KCNH8: variants seen among roughly 807,000 people sequenced by gnomAD.
KCNH8 encodes the protein voltage-gated delayed rectifier potassium channel KCNH8.
A neutral mutation model predicts 103.6 loss-of-function variants in KCNH8; 70 were observed. That is an observed-to-expected ratio of 0.68 (90% CI 0.56 to 0.82). The LOEUF (loss-of-function observed/expected upper bound fraction) is 0.82. Among genes scored for constraint, KCNH8 ranks in the 40% least tolerant of loss-of-function variants. KCNH8 has a pLI of 0.00. For synonymous variants in KCNH8, 498 were observed against 489.4 expected (o/e 1.02, Z -0.23); for missense variants, 1,217 against 1,329.9 (o/e 0.92, Z 1.32).
At chr3:19,407,063 G>C (rs965341694) in intron 7 of KCNH8, among the ~76,000 whole-genome samples, 2 of 152,030 alleles carry the variant, frequency 1.3e-5, no homozygotes, top group African/African-American at 4.8e-5. Flanking sequence ...TATGACTTCT[G>C]ACCCTTGTTC....
intron 5 of KCNH8, among the ~76,000 whole-genome samples, chr3:19,369,215 G>A (rs1248419328): frequency 6.6e-6 from 1 of 151,952 alleles, no homozygotes; most frequent in Non-Finnish European, 1.5e-5. Flanking sequence ...AGAGTGTTCA[G>A]TCACTTGTAG....
intron 11 of KCNH8, among the ~76,000 whole-genome samples, chr3:19,465,467 A>T (rs966370593): frequency 2.6e-5 from 4 of 152,108 alleles, no homozygotes; most frequent in Admixed American, 2.0e-4. Context: ...CTTGTTACCC[A>T]AGAGCTCTGA....
chr3:19,224,430 A>G (rs2063907543), intron 1 of KCNH8, among the ~76,000 whole-genome samples: 2 of 152,144 alleles, frequency 1.3e-5, no homozygotes. Flanking sequence ...TAAATAGTCT[A>G]TGTTTAAAGA....
At chr3:19,523,500 G>T (rs746519793) in intron 15 of KCNH8, among the ~76,000 whole-genome samples, 25 of 151,862 alleles carry the variant, frequency 1.6e-4, no homozygotes, top group Non-Finnish European at 2.9e-4. Context: ...ACTCCAAATT[G>T]ATTAAAATTT....
At chr3:19,367,904 C>T (rs896185645) in intron 5 of KCNH8, among the ~76,000 whole-genome samples, 4 of 152,024 alleles carry the variant, frequency 2.6e-5, no homozygotes, top group Non-Finnish European at 5.9e-5. Flanking sequence ...GACCCCTTTA[C>T]TGTTGGCTTA....
At chr3:19,459,118 T>A (rs1212457483) in intron 11 of KCNH8, among the ~76,000 whole-genome samples, 3 of 152,000 alleles carry the variant, frequency 2.0e-5, no homozygotes, top group Non-Finnish European at 4.4e-5. Flanking sequence ...ATACCCAGTA[T>A]TAGGACTTCC....
At chr3:19,150,391 A>G (rs1349522801) in intron 1 of KCNH8, among the ~76,000 whole-genome samples, 1 of 152,144 alleles carries the variant, frequency 6.6e-6, no homozygotes, top group African/African-American at 2.4e-5. Flanking sequence ...AAAAGGCTGT[A>G]AACATTGATC....
intron 5 of KCNH8, among the ~76,000 whole-genome samples, chr3:19,363,147 C>T (rs1469560856): frequency 6.6e-6 from 1 of 152,122 alleles, no homozygotes; most frequent in East Asian, 1.9e-4. Flanking sequence ...GCAGACTTGG[C>T]TCAGCATCTT....
intron 11 of KCNH8, among the ~76,000 whole-genome samples, chr3:19,477,994 C>T (rs1375671275): frequency 3.3e-5 from 5 of 152,070 alleles, no homozygotes; most frequent in Non-Finnish European, 7.4e-5. Context: ...GTTTAGCTCC[C>T]AAGTGAGAAC....
intron 7 of KCNH8, among the ~76,000 whole-genome samples, chr3:19,413,646 G>A (rs994169427): frequency 6.6e-6 from 1 of 152,026 alleles, no homozygotes; most frequent in African/African-American, 2.4e-5. Flanking sequence ...AAGCCAAGGA[G>A]AGAGGCTTTA....
chr3:19,204,598 A>T lies in KCNH8; in HGVS notation c.77-49056A>T, dbSNP rs143275809. 7.2e-5 allele frequency among the ~76,000 whole-genome samples: 11 copies of T among 152,194 alleles called. No homozygotes were observed. In the East Asian group the frequency reaches 2.1e-3, roughly 29 times the overall value. ...AACATTTTAAACAAGTTGGGAGAAA[A>T]AAATATCAAGGTTGGGGAGGGAAGC... On this transcript the variant is annotated intron_variant, in intron 1 of 15. Transcript: ENST00000328405.
chr3:19,247,202 A>T (rs1359081312), intron 1 of KCNH8, among the ~76,000 whole-genome samples: 5 of 152,228 alleles, frequency 3.3e-5, no homozygotes, highest in Non-Finnish European at 5.9e-5. Flanking sequence ...CTATTTAAAC[A>T]AGGTTAGAAA....
chr3:19,277,809 A>G (rs746429779), intron 2 of KCNH8, among the ~76,000 whole-genome samples: 14 of 152,198 alleles, frequency 9.2e-5, no homozygotes, highest in African/African-American at 3.1e-4. Flanking sequence ...TAGAAATTAA[A>G]GGTGTCATTA....
intron 7 of KCNH8, among the ~76,000 whole-genome samples, chr3:19,419,451 C>G (rs887722128): frequency 6.6e-6 from 1 of 151,736 alleles, no homozygotes; most frequent in African/African-American, 2.4e-5. Context: ...CCGCCCGCCT[C>G]GGCCTCCCAA....
At chr3:19,532,394 C>T (rs1020426260) in intron 15 of KCNH8, among the ~76,000 whole-genome samples, 2 of 152,146 alleles carry the variant, frequency 1.3e-5, no homozygotes, top group African/African-American at 4.8e-5. Flanking sequence ...TTCTTTCTTT[C>T]CAACTCTCAT....
At chr3:19,387,361 A>G (rs1332320337) in intron 5 of KCNH8, among the ~76,000 whole-genome samples, 1 of 152,164 alleles carries the variant, frequency 6.6e-6, no homozygotes, top group African/African-American at 2.4e-5. Flanking sequence ...GAATGTCAGA[A>G]AACATCCTCT....
chr3:19,493,738 G>T (rs2068375658), intron 11 of KCNH8, among the ~76,000 whole-genome samples: 1 of 151,332 alleles, frequency 6.6e-6, no homozygotes. Flanking sequence ...CTTTATTATT[G>T]ATGAGTCTTA....
chr3:19,509,202 T>C (rs1041819808), intron 11 of KCNH8, among the ~76,000 whole-genome samples: 1 of 152,204 alleles, frequency 6.6e-6, no homozygotes, highest in Admixed American at 6.5e-5. Flanking sequence ...GGTTGACTGC[T>C]ATCATAAAAT....
chr3:19,455,396 C>T (rs2067515395), intron 10 of KCNH8, among the ~76,000 whole-genome samples: 1 of 152,132 alleles, frequency 6.6e-6, no homozygotes, highest in Non-Finnish European at 1.5e-5. Flanking sequence ...TGCATCCCAT[C>T]ACCTTATGTT....
Sources: gnomAD v4.1 joint callset for allele counts (sites outside exome capture counted in the v4.1 genomes callset) on GRCh38, gnomAD v4.1.1 for gene constraint, MANE v1.5 for transcripts, NCBI Gene and HGNC (gene_info 2026-07-23, HGNC 2026-07-21) for gene names.